DSCAM: variants seen among roughly 807,000 people sequenced by gnomAD.
DSCAM encodes cell adhesion molecule DSCAM.
Under a neutral mutation model 217.7 loss-of-function variants are expected in DSCAM, and 47 were observed. The observed-to-expected ratio is 0.22, with a 90% CI of 0.17 to 0.28. DSCAM has a LOEUF of 0.28. Among genes scored for constraint, DSCAM ranks in the 10% least tolerant of loss-of-function variants. The pLI is 1.00. For synonymous variants in DSCAM, 1,056 were observed against 1,015.3 expected (o/e 1.04, Z -0.76); for missense variants, 2,080 against 2,618.3 (o/e 0.79, Z 4.49).
At position 40,544,286 on chromosome 21, in the gene DSCAM, A is replaced by C. The variant is rs568249021; in HGVS notation, c.508+148524T>G. The stretch of plus-strand genomic sequence containing the variant: ...CAAATCACTTGGAAGAGTCTGTCAC[A>C]TCGGAAACTTCACATGAATAGCAGC... On this transcript the variant is annotated intron_variant, in intron 3 of 32. Transcript: ENST00000400454. 3.0e-4 allele frequency among the ~76,000 whole-genome samples: 46 copies of C among 152,350 alleles called. No homozygotes were observed. In the South Asian group the frequency reaches 9.1e-3, roughly 30 times the overall value.
intron 3 of DSCAM, among the ~76,000 whole-genome samples, chr21:40,410,482 A>G (rs536245193): frequency 1.3e-5 from 2 of 152,282 alleles, no homozygotes; most frequent in South Asian, 4.1e-4. Flanking sequence ...GTATTGAAAT[A>G]AATAGTTCCA....
In DSCAM at chr21:40,818,547, C is replaced by CAAAAAAAAAAAAAAAAAAAAAAAAAAAAA. The variant is rs60730859; in HGVS notation, c.43+28043_43+28071dup. On this transcript the variant is annotated intron_variant, in intron 1 of 32. Transcript: ENST00000400454. ...GGCTACACAGCCAGACTCCGTCTCA[C>CAAAAAAAAAAAAAAAAAAAAAAAAAAAAA]AAAAAAAAAAAAAAAAAAAAAAAAA... 4.8e-5 allele frequency among the ~76,000 whole-genome samples: 2 copies of CAAAAAAAAAAAAAAAAAAAAAAAAAAAAA among 41,828 alleles called. 1 individual carries two copies. The highest frequency in any genetic ancestry group is 2.6e-3 in the East Asian group (2 of 764). 27.4% of individuals were successfully genotyped at this position (41,828 alleles called of 152,430 possible).
intron 1 of DSCAM, among the ~76,000 whole-genome samples, chr21:40,810,304 G>T (rs1175141131): frequency 2.0e-5 from 3 of 152,162 alleles, no homozygotes; most frequent in Non-Finnish European, 2.9e-5. Context: ...GTAATCTTCA[G>T]GGGGAAGAAA....
At position 40,179,048 on chromosome 21, in the gene DSCAM, C is replaced by T; in HGVS notation, c.2826G>A (p.Leu942=). 6.2e-7 allele frequency: 1 copy of T among 1,614,034 alleles called. No homozygotes were observed. Among genetic ancestry groups the T allele is most frequent in the Non-Finnish European group, 8.5e-7 (1 of 1,180,012 alleles). Residue 942 remains leucine (L), a synonymous_variant, in exon 15 of 33, where the codon CTG becomes CTA. Coordinates refer to ENST00000400454, the MANE Select transcript of DSCAM (RefSeq NM_001389.5). ...AQRTKDVSPQ[L]NSATIIDIHP... ...GGATATCAATGATGGTGGCCGAGTT[C>T]AGCTGAGGGGAAACATCTTTGGTTC... is the stretch of plus-strand genomic sequence containing the variant.
chr21:40,373,144 C>A (rs2074915697), intron 3 of DSCAM, among the ~76,000 whole-genome samples: 1 of 152,102 alleles, frequency 6.6e-6, no homozygotes, highest in Non-Finnish European at 1.5e-5. Context: ...TCTTCAAAGG[C>A]AGATATTAAA....
At chr21:40,719,437 A>G (rs1258498084) in intron 1 of DSCAM, among the ~76,000 whole-genome samples, 1 of 152,126 alleles carries the variant, frequency 6.6e-6, no homozygotes, top group Non-Finnish European at 1.5e-5. Context: ...TGACTCAACA[A>G]TTTCACTCCT....
intron 4 of DSCAM, among the ~76,000 whole-genome samples, chr21:40,356,964 T>G (rs937056350): frequency 6.6e-6 from 1 of 152,280 alleles, no homozygotes; most frequent in Middle Eastern, 3.4e-3. Flanking sequence ...AAAACTTCAT[T>G]ATGAACTTGC....
At position 40,655,734 on chromosome 21, in the gene DSCAM, T is replaced by C. The variant is rs1045178447; in HGVS notation, c.508+37076A>G. Among the ~76,000 whole-genome samples the C allele has an allele frequency of 8.3e-4, 127 of 152,300 alleles. 2 individuals carry two copies. Among genetic ancestry groups the C allele is most frequent in the Non-Finnish European group, 4.4e-5 (3 of 68,024 alleles). ...TTCCAAAGTGCTATGATTACAGGCA[T>C]GAGCCACTATTCAACCTCTTTTTTA... is the stretch of plus-strand genomic sequence containing the variant. On this transcript the variant is annotated intron_variant, in intron 3 of 32. Transcript: ENST00000400454.
chr21:40,357,366 G>T (rs1478308266), intron 4 of DSCAM, among the ~76,000 whole-genome samples: 1 of 152,160 alleles, frequency 6.6e-6, no homozygotes. Context: ...CATGAACCAA[G>T]AATCCAGAAA....
chr21:40,680,649 T>C lies in DSCAM; in HGVS notation c.508+12161A>G, dbSNP rs72495590. On this transcript the variant is annotated intron_variant, in intron 3 of 32. Transcript: ENST00000400454. Reference sequence around the variant, plus strand: ...AGCAGTGTGTGCTGTGGATTTTCTGTTGCTCATAAAGTCCAATTCTGGACA... The same window carrying C: ...AGCAGTGTGTGCTGTGGATTTTCTGCTGCTCATAAAGTCCAATTCTGGACA... Among the ~76,000 whole-genome samples, 978 of 152,382 alleles carry C rather than the reference T, an allele frequency of 6.4e-3. 21 individuals are homozygous for C. The East Asian group carries it at 0.068, about 11-fold the overall frequency.
intron 3 of DSCAM, among the ~76,000 whole-genome samples, chr21:40,426,513 T>C (rs746391180): frequency 3.9e-5 from 6 of 152,226 alleles, no homozygotes; most frequent in Non-Finnish European, 8.8e-5. Context: ...TCGTTATACA[T>C]TCTAAATTGT....
At chr21:40,188,122 A>G in intron 12 of DSCAM, 135 bp from the exon 13 acceptor site, 1 of 621,534 alleles carries the variant, frequency 1.6e-6, no homozygotes, top group Non-Finnish European at 2.8e-6. Context: ...ACACACACAC[A>G]CACACTCACA....
intron 3 of DSCAM, among the ~76,000 whole-genome samples, chr21:40,451,549 C>G (rs992240964): frequency 2.0e-5 from 3 of 152,090 alleles, no homozygotes; most frequent in Admixed American, 6.6e-5. Flanking sequence ...TAAGTCTGCA[C>G]CAGGTATATA....
intron 16 of DSCAM, among the ~76,000 whole-genome samples, chr21:40,162,283 G>A (rs2090548567): frequency 1.3e-5 from 2 of 152,162 alleles, no homozygotes; most frequent in Admixed American, 1.3e-4. Context: ...GATCAAATGA[G>A]ATAATGCATG....
At chr21:40,163,399 C>A (rs371230834) in intron 16 of DSCAM, among the ~76,000 whole-genome samples, 2 of 152,062 alleles carry the variant, frequency 1.3e-5, no homozygotes, top group Non-Finnish European at 2.9e-5. Context: ...TTACACAAAT[C>A]CTTTTGTTTC....
intron 2 of DSCAM, among the ~76,000 whole-genome samples, chr21:40,708,062 T>A (rs2090736498): frequency 6.6e-6 from 1 of 152,164 alleles, no homozygotes; most frequent in South Asian, 2.1e-4. Context: ...AGCTCAACCA[T>A]TTGTCATTTT....
chr21:40,260,541 C>T (rs2073436517), intron 11 of DSCAM, among the ~76,000 whole-genome samples: 5 of 152,172 alleles, frequency 3.3e-5, no homozygotes, highest in Admixed American at 2.0e-4. Context: ...TGAGGATGGT[C>T]CCTGCAGAGG....
rs1045954263 is a variant in DSCAM at position 40,134,022 on chromosome 21, A to C, written c.3407-13T>G. On this transcript the variant is annotated splice_polypyrimidine_tract_variant and intron_variant, in intron 18 of 32. Coordinates refer to ENST00000400454, the MANE Select transcript of DSCAM (RefSeq NM_001389.5). Reference sequence around the variant, plus strand: ...ATCTCACCCAGCTCTGGAGGACAAGAACAAGAAAACAAAATCCCACTTCTG... The same window carrying C: ...ATCTCACCCAGCTCTGGAGGACAAGCACAAGAAAACAAAATCCCACTTCTG... The C allele has an allele frequency of 6.3e-6, 10 of 1,599,428 alleles. No individual in the cohort carries two copies. The highest frequency in any genetic ancestry group is 6.8e-6 in the Non-Finnish European group (8 of 1,173,894).
chr21:40,775,175 C>A (rs1721197322), intron 1 of DSCAM, among the ~76,000 whole-genome samples: 1 of 152,028 alleles, frequency 6.6e-6, no homozygotes, highest in Non-Finnish European at 1.5e-5. Flanking sequence ...TCCCTAATAT[C>A]TAAAATCTTG....
Sources: allele counts gnomAD v4.1 joint callset (sites outside exome capture counted in the v4.1 genomes callset), GRCh38; gene constraint gnomAD v4.1.1; transcripts MANE v1.5; gene names NCBI Gene and HGNC (gene_info 2026-07-23, HGNC 2026-07-21).